The following NR1D2 variants were observed in gnomAD, a reference collection of about 807,000 sequenced individuals.
NR1D2 encodes the protein nuclear receptor subfamily 1 group D member 2.
NR1D2 carries 25 observed loss-of-function variants against 52.2 expected under a neutral mutation model. The observed-to-expected ratio is 0.48, with a 90% confidence interval of 0.35 to 0.67. NR1D2 has a LOEUF of 0.67. NR1D2 is among the 30% of genes least tolerant of loss of function. NR1D2 has a pLI of 0.01. For synonymous variants in NR1D2, 259 were observed against 230.1 expected, an observed-to-expected ratio of 1.13 and a Z score of -1.14; for missense variants, 681 against 707.2, an observed-to-expected ratio of 0.96 and a Z score of 0.42.
At position 23,962,407 on chromosome 3, in the gene NR1D2, G is replaced by T; in HGVS notation, c.948G>T (p.Gln316His). ...SSHFPCSESQ[Q>H]HLNGQFKGRN... ...ATTTTCCCTGTAGTGAGAGCCAGCA[G>T]CATCTCAATGGACAGTTCAAAGGGA... Residue 316 changes from glutamine (Q) to histidine (H), a missense_variant, in exon 5 of 8, where the codon CAG becomes CAT. This residue lies in a region of NR1D2 where 475 missense variants were observed against 454.5 expected (regional missense o/e 1.05). Coordinates refer to ENST00000312521, the MANE Select transcript of NR1D2 (RefSeq NM_005126.5). 6.2e-7 allele frequency: 1 copy of T among 1,614,164 alleles called. No homozygotes were observed. The highest frequency in any genetic ancestry group is 1.1e-5 in the South Asian group (1 of 91,080).
rs201185985 is a variant in NR1D2 at position 23,971,301 on chromosome 3, C to CCATTT, written c.1543+3278_1543+3279insCATTT. ...GAATATAATGCTTATATCTCTATACCTATTTTTTTTTTTTTTTTTTTTGAG... is the reference window on the plus strand; with the variant it reads ...GAATATAATGCTTATATCTCTATACCCATTTTATTTTTTTTTTTTTTTTTTTTGAG... On this transcript the variant is annotated intron_variant, in intron 7 of 7. Transcript: ENST00000312521. Among the ~76,000 whole-genome samples the CCATTT allele has an allele frequency of 9.0e-5, 10 of 110,900 alleles. 3 individuals carry two copies. The highest frequency in any genetic ancestry group is 7.3e-5 in the Non-Finnish European group (4 of 54,830). 72.8% of individuals were successfully genotyped at this position (110,900 alleles called of 152,430 possible).
chr3:23,956,713 G>T (rs1209678112), intron 3 of NR1D2, among the ~76,000 whole-genome samples: 1 of 152,186 alleles, frequency 6.6e-6, no homozygotes, highest in Admixed American at 6.5e-5. Context: ...ATTGCTATTA[G>T]AGTATTGGTC....
Position 23,962,083 on chromosome 3 carries a change from A to G in NR1D2, c.624A>G (p.Gln208=). 2 of 1,614,206 alleles carry G rather than the reference A, an allele frequency of 1.2e-6. No individual in the cohort carries two copies. The highest frequency in any genetic ancestry group is 1.7e-6 in the Non-Finnish European group (2 of 1,180,026). Residue 208 remains glutamine (Q), a synonymous_variant, in exon 5 of 8, where the codon CAA becomes CAG. Coordinates refer to ENST00000312521, the MANE Select transcript of NR1D2 (RefSeq NM_005126.5). ...MMNSQFSGHL[Q]NDTLVEHHEQ... ...ACAGCCAGTTCAGTGGTCACTTGCA[A>G]AATGACACATTAGTAGAACATCATG...
In NR1D2 at chr3:23,962,198, G is replaced by A; in HGVS notation, c.739G>A (p.Asp247Asn). 6.2e-7 allele frequency: 1 copy of A among 1,614,152 alleles called. No individual in the cohort carries two copies. Among genetic ancestry groups the A allele is most frequent in the Non-Finnish European group, 8.5e-7 (1 of 1,180,030 alleles). ...NIKSSSPPSSDFAKEEVIGMV... is the reference protein window; with the variant it reads ...NIKSSSPPSSNFAKEEVIGMV... ...CAAAAGCTCTTCTCCTCCATCTTCTGATTTTGCAAAGGAAGAAGTGATTGG... is the reference window on the plus strand; with the variant it reads ...CAAAAGCTCTTCTCCTCCATCTTCTAATTTTGCAAAGGAAGAAGTGATTGG... Residue 247 changes from aspartate to asparagine, a missense_variant, in exon 5 of 8, where the codon GAT becomes AAT. Asp to Asn is a conservative substitution (Grantham distance 23). Coordinates refer to ENST00000312521, the MANE Select transcript of NR1D2 (RefSeq NM_005126.5).
chr3:23,965,597 C>G (rs751343781), intron 6 of NR1D2, among the ~76,000 whole-genome samples: 1 of 152,054 alleles, frequency 6.6e-6, no homozygotes, highest in Non-Finnish European at 1.5e-5. Context: ...GAGTCTGAAA[C>G]TATCAACAAA....
intron 1 of NR1D2, among the ~76,000 whole-genome samples, 175 bp downstream of exon 1, chr3:23,945,769 G>C (rs1003617164): frequency 1.3e-5 from 2 of 150,200 alleles, no homozygotes; most frequent in Non-Finnish European, 3.0e-5. Context: ...GCCGCCCGGC[G>C]CCCGCCCTCT....
intron 7 of NR1D2, among the ~76,000 whole-genome samples, chr3:23,969,747 C>T (rs1267272615): frequency 6.6e-6 from 1 of 152,154 alleles, no homozygotes. Flanking sequence ...GAGCTTTATG[C>T]TACTAAACCG....
At position 23,962,614 on chromosome 3, in the gene NR1D2, A is replaced by T; in HGVS notation, c.1146+9A>T. On this transcript the variant is annotated intron_variant, in intron 5 of 7. Transcript: ENST00000312521. ...GAGGAAGAATGCATCTGGTATAGTG[A>T]AATCGATTTTTTGCTTACATTGTAT... is the stretch of plus-strand genomic sequence containing the variant. 6.4e-7 allele frequency: 1 copy of T among 1,565,448 alleles called. No homozygotes were observed. Among genetic ancestry groups the T allele is most frequent in the Non-Finnish European group, 8.7e-7 (1 of 1,153,086 alleles).
intron 5 of NR1D2, among the ~76,000 whole-genome samples, chr3:23,963,758 C>T (rs935490122): frequency 2.0e-5 from 3 of 151,956 alleles, no homozygotes; most frequent in African/African-American, 7.3e-5. Flanking sequence ...CAAGTGGCTG[C>T]CTTAATGAAG....
At chr3:23,955,113 G>C (rs1211071224) in intron 2 of NR1D2, among the ~76,000 whole-genome samples, 2 of 152,160 alleles carry the variant, frequency 1.3e-5, no homozygotes, top group African/African-American at 2.4e-5. Context: ...ACTAAGTCTT[G>C]TTTCTAGAAC....
intron 7 of NR1D2, among the ~76,000 whole-genome samples, chr3:23,971,384 T>A (rs1339302989): frequency 7.2e-6 from 1 of 138,372 alleles, no homozygotes; most frequent in Non-Finnish European, 1.5e-5. Flanking sequence ...CACTGCAACC[T>A]CTGCCTCCCA....
Position 23,978,402 on chromosome 3 carries a change from A to G in NR1D2, c.*983A>G, listed in dbSNP as rs890162038. ...CTTTAAAATGTTTAGACAGTAGAAT[A>G]TTGAATTTATGCTCTATTTTTGTTT... is the stretch of plus-strand genomic sequence containing the variant. On this transcript the variant is annotated 3_prime_UTR_variant, in exon 8 of 8. Coordinates refer to ENST00000312521, the MANE Select transcript of NR1D2 (RefSeq NM_005126.5). 6.6e-6 allele frequency: 1 copy of G among 152,242 alleles called. No individual in the cohort carries two copies. The highest frequency in any genetic ancestry group is 2.4e-5 in the African/African-American group (1 of 41,566). 9.4% of individuals were successfully genotyped at this position (152,242 alleles called of 1,614,324 possible). A position where few individuals can be genotyped will look rare whatever the true frequency, so the allele number is the denominator to read the frequency against.
At chr3:23,956,014 C>G in intron 2 of NR1D2, 23 bp from the exon 3 acceptor site, 1 of 1,569,486 alleles carries the variant, frequency 6.4e-7, no homozygotes, top group Non-Finnish European at 8.8e-7. Flanking sequence ...CTACTTTTTA[C>G]TTCGTGTCCT....
At position 23,954,557 on chromosome 3, in the gene NR1D2, A is replaced by G. The variant is rs1400819432; in HGVS notation, c.37A>G (p.Ser13Gly). 1 of 1,613,892 alleles carries G rather than the reference A, an allele frequency of 6.2e-7. No homozygotes were observed. Among genetic ancestry groups the G allele is most frequent in the Non-Finnish European group, 8.5e-7 (1 of 1,179,928 alleles). Residue 13 changes from serine (S) to glycine (G), a missense_variant, in exon 2 of 8, where the codon AGT becomes GGT. By Grantham distance (56) the Ser-to-Gly change is moderately conservative. Coordinates refer to ENST00000312521, the MANE Select transcript of NR1D2 (RefSeq NM_005126.5). ...VNAGGVIAYI[S>G]SSSSASSPAS... is the part of the protein sequence containing the mutation. ...TCTAGGAGGTGTGATTGCCTATATC[A>G]GTTCTTCCAGCTCAGCCTCAAGCCC...
rs1184734705 is a variant in NR1D2, at chr3:23,979,984, T to C, written c.*2565T>C. 6.6e-6 allele frequency: 1 copy of C among 152,154 alleles called. No homozygotes were observed. The highest frequency in any genetic ancestry group is 1.5e-5 in the Non-Finnish European group (1 of 67,978). The allele number at this position is 152,154 out of a possible 1,614,324, so 9.4% of individuals were successfully genotyped here. A position where few individuals can be genotyped will look rare whatever the true frequency, so the allele number is the denominator to read the frequency against. On this transcript the variant is annotated 3_prime_UTR_variant, in exon 8 of 8. Coordinates refer to ENST00000312521, the MANE Select transcript of NR1D2 (RefSeq NM_005126.5). ...TTCCTGTGCTTTTAATGTATCTCTT[T>C]ACATGATCTGAGAGAGGATTCAAGT... is the stretch of plus-strand genomic sequence containing the variant.
chr3:23,947,165 C>T lies in NR1D2; in HGVS notation c.16+1571C>T, dbSNP rs542804719. Among the ~76,000 whole-genome samples, 9 of 152,238 alleles carry T rather than the reference C, an allele frequency of 5.9e-5. No homozygotes were observed. In the South Asian group the frequency reaches 1.0e-3, roughly 18 times the overall value. On this transcript the variant is annotated intron_variant, in intron 1 of 7. Transcript: ENST00000312521. ...AATTAAACTTCTACATGTTAGAATTCAGAGGTGATCAGGGTGAACCTCTTC... is the reference window on the plus strand; with the variant it reads ...AATTAAACTTCTACATGTTAGAATTTAGAGGTGATCAGGGTGAACCTCTTC...
chr3:23,946,114 C>G (rs1575141464), intron 1 of NR1D2: 1 of 984,742 alleles, frequency 1.0e-6, no homozygotes, highest in Non-Finnish European at 1.2e-6. Flanking sequence ...GTGACGTCGC[C>G]GCGATTCCCT....
chr3:23,950,499 G>A (rs896741099), intron 1 of NR1D2, among the ~76,000 whole-genome samples: 1 of 152,182 alleles, frequency 6.6e-6, no homozygotes, highest in Non-Finnish European at 1.5e-5. Context: ...ATTAGGTTGA[G>A]GAACTACTAG....
rs555611182 is a variant in NR1D2, at chr3:23,951,200, C to T, written c.17-3337C>T. Among the ~76,000 whole-genome samples, 14 of 152,224 alleles carry T rather than the reference C, an allele frequency of 9.2e-5. No homozygotes were observed. The South Asian group carries it at 2.3e-3, about 25-fold the overall frequency. On this transcript the variant is annotated intron_variant, in intron 1 of 7. Transcript: ENST00000312521. ...GGTTACAGGCGTGAGCCACTGTGCC[C>T]GGCCAGCTCTAATTTCTAAAAGTTT...
Sources: gnomAD v4.1 joint callset for allele counts (sites outside exome capture counted in the v4.1 genomes callset) on GRCh38, gnomAD v4.1.1 for gene constraint, gnomAD v4.1.1 regional missense constraint, MANE v1.5 for transcripts, NCBI Gene and HGNC (gene_info 2026-07-23, HGNC 2026-07-21) for gene names.